The following PHLDB2 variants were observed in gnomAD, a reference collection of about 807,000 sequenced individuals.
PHLDB2 encodes pleckstrin homology-like domain family B member 2.
PHLDB2 carries 71 observed loss-of-function variants against 123.6 expected under a neutral mutation model. The observed-to-expected ratio is 0.57, with a 90% CI of 0.47 to 0.70. The LOEUF (loss-of-function observed/expected upper bound fraction) is 0.70. Among genes scored for constraint, PHLDB2 ranks in the 30% least tolerant of loss-of-function variants. PHLDB2 has a pLI of 0.00. For missense variants in PHLDB2, 1,446 were observed against 1,519.5 expected (o/e 0.95, Z 0.80); for synonymous variants, 547 against 541.6 (o/e 1.01, Z -0.14).
intron 1 of PHLDB2, among the ~76,000 whole-genome samples, chr3:111,883,352 A>C (rs1440651166): frequency 5.9e-5 from 9 of 152,198 alleles, no homozygotes; most frequent in Non-Finnish European, 4.4e-5. Context: ...GAGAATTTGC[A>C]AGGATGAGCA....
At chr3:111,770,076 C>A (rs2060148519) in intron 1 of PHLDB2, among the ~76,000 whole-genome samples, 1 of 152,146 alleles carries the variant, frequency 6.6e-6, no homozygotes. Context: ...ATCTTCAATT[C>A]ATTAATGGAA....
intron 10 of PHLDB2, chr3:111,950,013 A>ATT: frequency 1.0e-5 from 6 of 577,790 alleles, no homozygotes; most frequent in Non-Finnish European, 1.3e-5. Context: ...TACTTCTCTG[A>ATT]TTTTTTTTTT....
chr3:111,966,518 T>TGGG, intron 13 of PHLDB2, 95 bp from the exon 14 acceptor site: 2 of 596,658 alleles, frequency 3.4e-6, no homozygotes, highest in African/African-American at 6.3e-5. Context: ...TGTGTGTGTG[T>TGGG]GTGTCTGGGG....
intron 1 of PHLDB2, among the ~76,000 whole-genome samples, chr3:111,875,800 G>A (rs2107279907): frequency 6.8e-6 from 1 of 147,246 alleles, no homozygotes; most frequent in East Asian, 2.1e-4. Flanking sequence ...TCCAGCCTGG[G>A]CAACAGAGCA....
At chr3:111,848,171 G>C (rs933542577) in intron 2 of PHLDB2, among the ~76,000 whole-genome samples, 1 of 152,128 alleles carries the variant, frequency 6.6e-6, no homozygotes, top group Non-Finnish European at 1.5e-5. Context: ...ACAAAGGACT[G>C]ATATTTCCAG....
chr3:111,840,002 C>G (rs564331695), intron 1 of PHLDB2, among the ~76,000 whole-genome samples: 1 of 126,404 alleles, frequency 7.9e-6, no homozygotes, highest in Non-Finnish European at 1.6e-5. Flanking sequence ...AATCCCAGCA[C>G]TTCGGGAGGC....
At chr3:111,830,538 G>A (rs1315540546) in intron 1 of PHLDB2, among the ~76,000 whole-genome samples, 1 of 149,030 alleles carries the variant, frequency 6.7e-6, no homozygotes, top group East Asian at 1.9e-4. Context: ...GGCCGGGCGC[G>A]GTGGCTCACG....
At chr3:111,892,255 A>G (rs2066549312) in intron 2 of PHLDB2, among the ~76,000 whole-genome samples, 1 of 152,184 alleles carries the variant, frequency 6.6e-6, no homozygotes, top group South Asian at 2.1e-4. Flanking sequence ...AGTTATGCGA[A>G]TAGGTGAAAT....
intron 1 of PHLDB2, among the ~76,000 whole-genome samples, chr3:111,774,967 G>C (rs1237051459): frequency 1.3e-5 from 2 of 152,166 alleles, no homozygotes; most frequent in Non-Finnish European, 2.9e-5. Context: ...TAAGGAGTGA[G>C]TTGGAGAAAC....
intron 11 of PHLDB2, 101 bp downstream of exon 11, chr3:111,952,813 A>C: frequency 1.5e-6 from 2 of 1,343,978 alleles, no homozygotes; most frequent in Non-Finnish European, 2.0e-6. Context: ...CTAAATAATA[A>C]ATCATTACAT....
intron 1 of PHLDB2, among the ~76,000 whole-genome samples, chr3:111,783,258 G>C (rs1032284463): frequency 6.6e-6 from 1 of 152,072 alleles, no homozygotes; most frequent in African/African-American, 2.4e-5. Flanking sequence ...GGCAATAGCA[G>C]AAGAGCCAAC....
chr3:111,852,218 C>T (rs2064285596), intron 2 of PHLDB2, among the ~76,000 whole-genome samples: 1 of 151,394 alleles, frequency 6.6e-6, no homozygotes, highest in Non-Finnish European at 1.5e-5. Context: ...ATATCTGACA[C>T]ATCAATTTGG....
Position 111,859,446 on chromosome 3 carries a change from G to A in PHLDB2, c.-145G>A. 1 of 985,580 alleles carries A rather than the reference G, an allele frequency of 1.0e-6. No homozygotes were observed. The highest frequency in any genetic ancestry group is 1.2e-6 in the Non-Finnish European group (1 of 830,022). 61.1% of individuals were successfully genotyped at this position (985,580 alleles called of 1,614,324 possible). A position where few individuals can be genotyped will look rare whatever the true frequency, so the allele number is the denominator to read the frequency against. On this transcript the variant is annotated 5_prime_UTR_variant, in exon 1 of 18. Coordinates refer to ENST00000431670, the MANE Select transcript of PHLDB2 (RefSeq NM_001134438.2). Reference sequence around the variant, plus strand: ...GGTGGTTACAAAGGGGGTCAAGAGTGCCGGACCCAGCCGCGCGGAGCCCAC... The same window carrying A: ...GGTGGTTACAAAGGGGGTCAAGAGTACCGGACCCAGCCGCGCGGAGCCCAC...
chr3:111,934,451 T>C (rs1448903676), intron 6 of PHLDB2, among the ~76,000 whole-genome samples: 4 of 152,228 alleles, frequency 2.6e-5, no homozygotes, highest in Non-Finnish European at 4.4e-5. Context: ...TTTGTTTTAT[T>C]ATAAATAGCT....
chr3:111,919,934 T>C (rs925838864), intron 4 of PHLDB2, among the ~76,000 whole-genome samples: 1 of 27,374 alleles, frequency 3.7e-5, no homozygotes, highest in Non-Finnish European at 7.7e-5. Flanking sequence ...CTTCCCATGC[T>C]CTAGGGACAA....
upstream of PHLDB2, among the ~76,000 whole-genome samples, chr3:111,857,036 T>C (rs1450882512): frequency 3.3e-5 from 5 of 152,160 alleles, no homozygotes; most frequent in South Asian, 4.1e-4. Context: ...ACCATGCAGA[T>C]ACTTGGGAGG....
rs909714782 is a variant in PHLDB2, at chr3:111,913,847, G to C, written c.1719+145G>C. 4 of 1,135,178 alleles carry C rather than the reference G, an allele frequency of 3.5e-6. No individual in the cohort carries two copies. In the African/African-American group the frequency reaches 6.2e-5, roughly 18 times the overall value. 70.3% of individuals were successfully genotyped at this position (1,135,178 alleles called of 1,614,324 possible). A position where few individuals can be genotyped will look rare whatever the true frequency, so the allele number is the denominator to read the frequency against. Reference sequence around the variant, plus strand: ...TTTAAGAGGTCATTAGCTGAGCGAGGTGCAGCAAATTAGGGTGTTTACTGT... The same window carrying C: ...TTTAAGAGGTCATTAGCTGAGCGAGCTGCAGCAAATTAGGGTGTTTACTGT... On this transcript the variant is annotated intron_variant, in intron 3 of 17. Coordinates refer to ENST00000431670, the MANE Select transcript of PHLDB2 (RefSeq NM_001134438.2).
At chr3:111,934,082 GCAGA>G in intron 6 of PHLDB2, among the ~76,000 whole-genome samples, 1 of 152,312 alleles carries the variant, frequency 6.6e-6, no homozygotes, top group South Asian at 2.1e-4. Flanking sequence ...AGGAAATGAT[GCAGA>G]CAGTCTTTTC....
At chr3:111,826,094 G>A (rs962482442) in intron 1 of PHLDB2, among the ~76,000 whole-genome samples, 2 of 151,916 alleles carry the variant, frequency 1.3e-5, no homozygotes, top group African/African-American at 4.8e-5. Flanking sequence ...CTGAGGTCAG[G>A]AGTTCGAGAC....
Sources: gnomAD v4.1 joint callset for allele counts (sites outside exome capture counted in the v4.1 genomes callset) on GRCh38, gnomAD v4.1.1 for gene constraint, MANE v1.5 for transcripts, NCBI Gene and HGNC (gene_info 2026-07-23, HGNC 2026-07-21) for gene names.